The following DENND4C variants were observed in gnomAD, a reference collection of about 807,000 sequenced individuals.
The protein encoded by DENND4C is DENN domain-containing protein 4C.
Under a neutral mutation model 203.0 loss-of-function variants are expected in DENND4C, and 108 were observed. The ratio of observed to expected loss-of-function variants is 0.53; its 90% CI spans 0.46 to 0.62. DENND4C has a LOEUF of 0.62. Among genes scored for constraint, DENND4C ranks in the 20% least tolerant of loss-of-function variants. DENND4C has a pLI of 0.00. For synonymous variants in DENND4C, 871 were observed against 792.4 expected (o/e 1.10, Z -1.67); for missense variants, 2,481 against 2,301.2 (o/e 1.08, Z -1.60).
chr9:19,231,755 G>C (rs1206166550), intron 1 of DENND4C, among the ~76,000 whole-genome samples: 5 of 151,916 alleles, frequency 3.3e-5, no homozygotes, highest in Non-Finnish European at 1.5e-5. Flanking sequence ...TGAACCCTCA[G>C]CTGTCTCTTT....
intron 20 of DENND4C, among the ~76,000 whole-genome samples, chr9:19,338,678 G>A (rs1383243179): frequency 1.3e-5 from 2 of 152,030 alleles, no homozygotes; most frequent in Admixed American, 6.6e-5. Context: ...AGCTGTTAGG[G>A]GCATGTTTGG....
At chr9:19,260,589 G>C (rs1319875434) in intron 1 of DENND4C, among the ~76,000 whole-genome samples, 1 of 151,908 alleles carries the variant, frequency 6.6e-6, no homozygotes, top group Non-Finnish European at 1.5e-5. Context: ...GTAGAGACGG[G>C]GTTTCATTAT....
At chr9:19,343,519 CT>C (rs1822137970) in intron 22 of DENND4C, among the ~76,000 whole-genome samples, 1 of 152,208 alleles carries the variant, frequency 6.6e-6, no homozygotes. Flanking sequence ...ATTTGTTCAG[CT>C]TCTTAAACCA....
chr9:19,273,502 C>T (rs982421922), intron 1 of DENND4C, among the ~76,000 whole-genome samples: 3 of 151,870 alleles, frequency 2.0e-5, no homozygotes, highest in Admixed American at 6.6e-5. Flanking sequence ...AAACACAAGC[C>T]GCAGACTGGG....
chr9:19,264,838 G>A (rs1477422332), intron 1 of DENND4C, among the ~76,000 whole-genome samples: 2 of 151,378 alleles, frequency 1.3e-5, no homozygotes, highest in Non-Finnish European at 2.9e-5. Context: ...TTTGGGTTTG[G>A]TTTGCTTTTG....
chr9:19,338,199 C>G lies in DENND4C; in HGVS notation c.2881+1367C>G, dbSNP rs184745393. ...TTATGAAACTTTTATTTTAAAGCCA[C>G]CATATTTTATTTCCTCTAGTATTTT... is the stretch of plus-strand genomic sequence containing the variant. On this transcript the variant is annotated intron_variant, in intron 20 of 32. Coordinates refer to ENST00000434457, the MANE Select transcript of DENND4C (RefSeq NM_001330640.2). Among the ~76,000 whole-genome samples, 421 of 152,076 alleles carry G rather than the reference C, an allele frequency of 2.8e-3. 3 individuals are homozygous for G. The highest frequency in any genetic ancestry group is 9.3e-3 in the African/African-American group (386 of 41,490).
chr9:19,306,148 A>T (rs1209997548), intron 10 of DENND4C, among the ~76,000 whole-genome samples: 2 of 152,222 alleles, frequency 1.3e-5, no homozygotes, highest in Non-Finnish European at 2.9e-5. Flanking sequence ...CCCCACCAAA[A>T]GTGGGAAAGG....
intron 28 of DENND4C, among the ~76,000 whole-genome samples, chr9:19,359,033 A>G (rs1706632366): frequency 1.3e-5 from 2 of 151,968 alleles, no homozygotes; most frequent in African/African-American, 4.9e-5. Flanking sequence ...TCCTTATAAT[A>G]AGGAATACAT....
chr9:19,264,258 C>T (rs1475513334), intron 1 of DENND4C, among the ~76,000 whole-genome samples: 1 of 149,178 alleles, frequency 6.7e-6, no homozygotes, highest in Non-Finnish European at 1.5e-5. Flanking sequence ...TTAGCAGTTT[C>T]TTCTACGTTT....
intron 1 of DENND4C, among the ~76,000 whole-genome samples, chr9:19,239,034 C>T (rs1370504261): frequency 1.3e-5 from 2 of 151,934 alleles, no homozygotes; most frequent in East Asian, 3.9e-4. Context: ...TTGGTAATTC[C>T]AGCCTCTTGC....
In DENND4C at chr9:19,305,527, T is replaced by C. The variant is rs1227475614; in HGVS notation, c.1487T>C (p.Val496Ala). The change falls in exon 10 of 33, where the codon GTA (valine) becomes GCA (alanine). Residue 496 changes from valine (V) to alanine (A), a missense_variant and splice_region_variant. Val to Ala is a moderately conservative substitution (Grantham distance 64, BLOSUM62 0). Around this residue, in one of 3 missense-constraint regions of DENND4C, gnomAD observed 2,289 missense variants for 2,113.3 expected, o/e 1.08. Coordinates refer to ENST00000434457, the MANE Select transcript of DENND4C (RefSeq NM_001330640.2). ...CIDLDTNMLY[V>A]SDEKKNMNWK... ...GACTTGGATACGAACATGTTATATG[T>C]GTAAGTTGATTCATTTTATATTATC... The C allele has an allele frequency of 5.6e-6, 9 of 1,608,848 alleles. No individual in the cohort carries two copies. Among genetic ancestry groups the C allele is most frequent in the Non-Finnish European group, 7.6e-6 (9 of 1,178,616 alleles).
chr9:19,299,089 AGT>A (rs1838029927), intron 7 of DENND4C, 138 bp from the exon 8 acceptor site: 3 of 581,682 alleles, frequency 5.2e-6, no homozygotes, highest in Non-Finnish European at 2.9e-6. Flanking sequence ...TGTTTCCAAA[AGT>A]GTGTTTGCAT....
At chr9:19,302,903 C>T (rs1838881265) in intron 9 of DENND4C, among the ~76,000 whole-genome samples, 1 of 152,278 alleles carries the variant, frequency 6.6e-6, no homozygotes, top group African/African-American at 2.4e-5. Context: ...TCTGTTGTCA[C>T]TTTATTAATG....
At chr9:19,271,446 C>G (rs541913557) in intron 1 of DENND4C, among the ~76,000 whole-genome samples, 137 of 152,278 alleles carry the variant, frequency 9.0e-4, no homozygotes, top group African/African-American at 3.2e-3. Context: ...AGTGATCCGC[C>G]TACCTCTGGC....
rs1458949031 is a variant in DENND4C at position 19,373,850 on chromosome 9, TTA to T, written c.*1680_*1681del. ...TCTACCTGATGTAACCATTTACAAA[TTA>T]TAGTTATTGTACCAGTCTTTCAACA... On this transcript the variant is annotated 3_prime_UTR_variant, in exon 33 of 33. Transcript: ENST00000434457. Among the ~76,000 whole-genome samples the T allele has an allele frequency of 6.6e-6, 1 of 152,130 alleles. No homozygotes were observed. The highest frequency in any genetic ancestry group is 1.5e-5 in the Non-Finnish European group (1 of 67,952).
chr9:19,270,565 T>C lies in DENND4C; in HGVS notation c.-17-5593T>C, dbSNP rs376592287. ...AGGGTGAATAATACTCCATTGTAGG[T>C]TTATATCACATTTTTAAAAATCCAT... On this transcript the variant is annotated intron_variant, in intron 1 of 32. Coordinates refer to ENST00000434457, the MANE Select transcript of DENND4C (RefSeq NM_001330640.2). Among the ~76,000 whole-genome samples, 68 of 152,312 alleles carry C rather than the reference T, an allele frequency of 4.5e-4. No individual in the cohort carries two copies. In the South Asian group the frequency reaches 0.013, roughly 29 times the overall value.
rs1324915313 is a variant in DENND4C at position 19,360,808 on chromosome 9, T to G, written c.5406+319T>G. ...GGAGAGGAGAGTATGTCTTTTTTCT[T>G]AAGGGATAGCTCCTGGAGTTGTAGA... On this transcript the variant is annotated intron_variant, in intron 29 of 32. Coordinates refer to ENST00000434457, the MANE Select transcript of DENND4C (RefSeq NM_001330640.2). Among the ~76,000 whole-genome samples the G allele has an allele frequency of 3.9e-5, 6 of 152,214 alleles. No homozygotes were observed. In the East Asian group the frequency reaches 1.2e-3, roughly 29 times the overall value.
rs374792534 is a variant in DENND4C, at chr9:19,231,010, C to A, written c.-18+177C>A. On this transcript the variant is annotated intron_variant, in intron 1 of 32. Transcript: ENST00000434457. ...GAGTGGCCGCGGCTGGCGTTCGTGG[C>A]CTAGTTTCTCCGCGGTTTCCGGGGG... Among the ~76,000 whole-genome samples, 12 of 152,334 alleles carry A rather than the reference C, an allele frequency of 7.9e-5. No individual in the cohort carries two copies. The South Asian group carries it at 8.3e-4, about 11-fold the overall frequency.
At chr9:19,239,633 C>A (rs1257478938) in intron 1 of DENND4C, among the ~76,000 whole-genome samples, 2 of 152,038 alleles carry the variant, frequency 1.3e-5, no homozygotes, top group African/African-American at 4.8e-5. Flanking sequence ...ATTACAAGCG[C>A]ACACCACCAT....
Sources: allele counts gnomAD v4.1 joint callset (sites outside exome capture counted in the v4.1 genomes callset), GRCh38; gene constraint gnomAD v4.1.1; regional missense constraint gnomAD v4.1.1; transcripts MANE v1.5; gene names NCBI Gene and HGNC (gene_info 2026-07-23, HGNC 2026-07-21).